DPP6: variants seen among roughly 807,000 people sequenced by gnomAD.
The protein encoded by DPP6 is dipeptidyl peptidase like 6.
DPP6 carries 69 observed loss-of-function variants against 122.6 expected under a neutral mutation model. That is an observed-to-expected ratio of 0.56 (90% CI 0.46 to 0.69). DPP6 has a LOEUF of 0.69. Among genes scored for constraint, DPP6 ranks in the 30% least tolerant of loss-of-function variants. The pLI, the probability that DPP6 is intolerant of heterozygous loss-of-function variation, is 0.00. For synonymous variants in DPP6, 418 were observed against 433.1 expected (o/e 0.97, Z 0.43); for missense variants, 928 against 1,116.9 (o/e 0.83, Z 2.41).
intron 1 of DPP6, among the ~76,000 whole-genome samples, chr7:154,230,039 A>T (rs1224498884): frequency 6.6e-6 from 1 of 152,196 alleles, no homozygotes; most frequent in African/African-American, 2.4e-5. Context: ...TTGGGAATTG[A>T]ACATCATAAA....
chr7:153,877,659 C>G, the DPP6 span, among the ~76,000 whole-genome samples: 1 of 151,862 alleles, frequency 6.6e-6, no homozygotes, highest in Non-Finnish European at 1.5e-5. Flanking sequence ...AAAAATAGTA[C>G]GTATGACCAA....
chr7:154,844,126 A>G (rs1563274623), intron 16 of DPP6, among the ~76,000 whole-genome samples: 1 of 152,272 alleles, frequency 6.6e-6, no homozygotes, highest in Non-Finnish European at 1.5e-5. Flanking sequence ...GGCAATACAG[A>G]TGGATTGTCT....
chr7:154,140,936 G>A (rs3115137), intron 1 of DPP6, among the ~76,000 whole-genome samples: 35 of 152,228 alleles, frequency 2.3e-4, no homozygotes, highest in African/African-American at 6.7e-4. Flanking sequence ...AGTAATCTCC[G>A]AAGTCTTTTC....
intron 16 of DPP6, among the ~76,000 whole-genome samples, chr7:154,823,158 T>A (rs1007979276): frequency 6.6e-6 from 1 of 152,164 alleles, no homozygotes; most frequent in Non-Finnish European, 1.5e-5. Flanking sequence ...AGACATTATT[T>A]TTTTTGCCCT....
chr7:154,090,398 C>T (rs1011562063), intron 1 of DPP6, among the ~76,000 whole-genome samples: 5 of 152,130 alleles, frequency 3.3e-5, no homozygotes, highest in African/African-American at 9.7e-5. Flanking sequence ...TGCTAATTGG[C>T]TTGAAACATT....
intron 1 of DPP6, among the ~76,000 whole-genome samples, chr7:153,964,583 A>G (rs1407142500): frequency 6.6e-6 from 1 of 152,158 alleles, no homozygotes; most frequent in Non-Finnish European, 1.5e-5. Flanking sequence ...ATGTAGGGGC[A>G]TGACAGCTGC....
chr7:154,453,235 G>A (rs1037765876), intron 2 of DPP6, among the ~76,000 whole-genome samples: 17 of 152,008 alleles, frequency 1.1e-4, no homozygotes, highest in East Asian at 1.9e-4. Flanking sequence ...GGTTTATGCC[G>A]GAAACACTAG....
chr7:154,868,143 G>A (rs747214011), intron 18 of DPP6, 50 bp downstream of exon 18: 3 of 1,551,756 alleles, frequency 1.9e-6, no homozygotes, highest in Admixed American at 2.0e-5. Flanking sequence ...AGAAAACGTG[G>A]GCTGTGACAC....
At chr7:154,288,751 G>A (rs187533242) in intron 1 of DPP6, among the ~76,000 whole-genome samples, 156 of 152,114 alleles carry the variant, frequency 1.0e-3, no homozygotes, top group Admixed American at 1.6e-3. Context: ...ATAATCAGGC[G>A]CTGTTTTAAG....
chr7:153,837,437 C>T, the DPP6 span, among the ~76,000 whole-genome samples: 10 of 152,134 alleles, frequency 6.6e-5, no homozygotes, highest in African/African-American at 1.7e-4. Flanking sequence ...GCTTAAATAC[C>T]TTAACCAAAT....
At chr7:154,268,857 T>G (rs10281931) in intron 1 of DPP6, among the ~76,000 whole-genome samples, 1 of 151,130 alleles carries the variant, frequency 6.6e-6, no homozygotes, top group Admixed American at 6.6e-5. Flanking sequence ...CTGGTGACTT[T>G]GAATTACTAT....
intron 1 of DPP6, among the ~76,000 whole-genome samples, chr7:154,166,016 T>G (rs1797229215): frequency 1.3e-5 from 2 of 152,230 alleles, no homozygotes; most frequent in African/African-American, 2.4e-5. Flanking sequence ...TTTGGTCAAT[T>G]TATTTTTGTT....
the DPP6 span, among the ~76,000 whole-genome samples, chr7:153,797,873 G>A: frequency 4.3e-4 from 65 of 151,626 alleles, no homozygotes; most frequent in Middle Eastern, 3.4e-3. Context: ...ATGGAGTCTC[G>A]CTCTGTCGCC....
intron 1 of DPP6, among the ~76,000 whole-genome samples, chr7:154,077,015 G>T (rs1803606064): frequency 6.6e-6 from 1 of 152,148 alleles, no homozygotes; most frequent in African/African-American, 2.4e-5. Flanking sequence ...TCTTGTTCTG[G>T]TGCTATAATT....
intron 3 of DPP6, among the ~76,000 whole-genome samples, chr7:154,536,024 C>T (rs1828225915): frequency 6.6e-6 from 1 of 152,266 alleles, no homozygotes; most frequent in South Asian, 2.1e-4. Flanking sequence ...TAGCTACAAC[C>T]TGGCAGCAAT....
chr7:154,591,257 C>T (rs1832795460), intron 5 of DPP6, among the ~76,000 whole-genome samples: 1 of 152,172 alleles, frequency 6.6e-6, no homozygotes, highest in Admixed American at 6.5e-5. Context: ...GTGAGTTCTT[C>T]AATTGCAGGC....
At chr7:154,698,431 T>G (rs984509231) in intron 7 of DPP6, among the ~76,000 whole-genome samples, 4 of 152,210 alleles carry the variant, frequency 2.6e-5, no homozygotes, top group African/African-American at 9.6e-5. Context: ...CGAATTGTCG[T>G]CCGTATGCCT....
intron 1 of DPP6, among the ~76,000 whole-genome samples, chr7:153,969,978 A>G (rs1242089556): frequency 1.3e-5 from 2 of 152,074 alleles, no homozygotes; most frequent in African/African-American, 4.8e-5. Context: ...CAATACCTTC[A>G]AGATTCATCC....
At chr7:154,770,237 A>C (rs113695695) in intron 9 of DPP6, among the ~76,000 whole-genome samples, 1 of 152,214 alleles carries the variant, frequency 6.6e-6, no homozygotes, top group Admixed American at 6.5e-5. Context: ...CCTCACGATC[A>C]TGTCAGAAGG....
Sources: gnomAD v4.1 joint callset for allele counts (sites outside exome capture counted in the v4.1 genomes callset) on GRCh38, gnomAD v4.1.1 for gene constraint, MANE v1.5 for transcripts, NCBI Gene and HGNC (gene_info 2026-07-23, HGNC 2026-07-21) for gene names.